MLPH: variants seen among roughly 807,000 people sequenced by gnomAD.
The protein encoded by MLPH is exophilin-3.
In MLPH, 51 loss-of-function variants were observed where a neutral mutation model predicts 72.1. The ratio of observed to expected loss-of-function variants is 0.71; its 90% CI spans 0.56 to 0.89. The LOEUF (loss-of-function observed/expected upper bound fraction) is 0.89. MLPH is among the 40% of genes least tolerant of loss of function. The pLI is 0.00. For missense variants in MLPH, 743 were observed against 759.9 expected (o/e 0.98, Z 0.26); for synonymous variants, 301 against 310.1 (o/e 0.97, Z 0.31).
chr2:237,509,543 A>C (rs1057141660), intron 2 of MLPH, among the ~76,000 whole-genome samples: 9 of 152,192 alleles, frequency 5.9e-5, no homozygotes, highest in African/African-American at 2.2e-4. Flanking sequence ...TGTTTGGGAC[A>C]AAGACTTTAC....
chr2:237,540,370 C>T lies in MLPH; in HGVS notation c.1127C>T (p.Thr376Met), dbSNP rs766417327. 1.4e-5 allele frequency: 22 copies of T among 1,613,652 alleles called. 1 individual carries two copies. In the Middle Eastern group the frequency reaches 8.4e-4, roughly 61 times the overall value. Residue 376 changes from threonine to methionine, a missense_variant, in exon 10 of 16, where the codon ACG becomes ATG. Physicochemically the swap from Thr to Met is moderately conservative, Grantham distance 81. Coordinates refer to ENST00000264605, the MANE Select transcript of MLPH (RefSeq NM_024101.7). Reference sequence around the variant, plus strand: ...CAGGGTCTAGGTGCTGGAGTGCGCACGGAGGCCGATGTAGAGGAGGAGGCC... The same window carrying T: ...CAGGGTCTAGGTGCTGGAGTGCGCATGGAGGCCGATGTAGAGGAGGAGGCC... ...LAKGLGAGVR[T>M]EADVEEEALR...
chr2:237,525,475 G>A lies in MLPH; in HGVS notation c.676-126G>A, dbSNP rs142408062. 1.2e-4 allele frequency: 104 copies of A among 860,918 alleles called. No individual in the cohort carries two copies. In the African/African-American group the frequency reaches 1.3e-3, roughly 11 times the overall value. The allele number at this position is 860,918 out of a possible 1,614,324, so 53.3% of individuals were successfully genotyped here. On this transcript the variant is annotated intron_variant, in intron 6 of 15. Coordinates refer to ENST00000264605, the MANE Select transcript of MLPH (RefSeq NM_024101.7). ...TGAGTGGCAGGGGCCAGCGCAGATG[G>A]GTGCCTAGTGCTGGGTCAGTCAAGT...
intron 13 of MLPH, among the ~76,000 whole-genome samples, chr2:237,548,342 G>A (rs1225008168): frequency 4.1e-4 from 63 of 152,190 alleles, no homozygotes; most frequent in Non-Finnish European, 1.5e-5. Context: ...AATTTCCAGG[G>A]GAATTTGGCC....
At chr2:237,523,042 T>C (rs555540479) in intron 6 of MLPH, among the ~76,000 whole-genome samples, 1 of 152,258 alleles carries the variant, frequency 6.6e-6, no homozygotes, top group African/African-American at 2.4e-5. Flanking sequence ...ATTTGAAAAG[T>C]TGATTAATGT....
rs1157137431 is a variant in MLPH, at chr2:237,527,315, A to T, written c.881-62A>T. The T allele has an allele frequency of 1.9e-6, 3 of 1,603,386 alleles. No individual in the cohort carries two copies. The African/African-American group carries it at 4.0e-5, about 21-fold the overall frequency. On this transcript the variant is annotated intron_variant, in intron 7 of 15. Transcript: ENST00000264605. ...AGCCTCATTTTTCTTCATTGGACTAAACACGTCCATCAGCTTTCAGGTTTT... is the reference window on the plus strand; with the variant it reads ...AGCCTCATTTTTCTTCATTGGACTATACACGTCCATCAGCTTTCAGGTTTT...
intron 14 of MLPH, among the ~76,000 whole-genome samples, chr2:237,551,004 G>T (rs1232442668): frequency 6.6e-6 from 1 of 152,226 alleles, no homozygotes; most frequent in Non-Finnish European, 1.5e-5. Context: ...GAAGCTCACA[G>T]GAATTTTGGG....
chr2:237,540,061 C>A (rs1465622773), intron 9 of MLPH, among the ~76,000 whole-genome samples: 1 of 152,174 alleles, frequency 6.6e-6, no homozygotes, highest in South Asian at 2.1e-4. Flanking sequence ...CAAATGGCAC[C>A]CTTAAACAAA....
intron 9 of MLPH, among the ~76,000 whole-genome samples, chr2:237,536,657 C>A (rs1056104022): frequency 1.3e-5 from 2 of 152,204 alleles, no homozygotes; most frequent in African/African-American, 2.4e-5. Flanking sequence ...CAGGCCCCTG[C>A]GGAACACTGA....
In MLPH at chr2:237,512,628, G is replaced by A. The variant is rs548253336; in HGVS notation, c.445+1527G>A. Among the ~76,000 whole-genome samples, 7 of 152,170 alleles carry A rather than the reference G, an allele frequency of 4.6e-5. No individual in the cohort carries two copies. Among genetic ancestry groups the A allele is most frequent in the Middle Eastern group, 3.4e-3 (1 of 294 alleles). On this transcript the variant is annotated intron_variant, in intron 4 of 15. Transcript: ENST00000264605. This position sits in a 1 kb window ranked among gnomAD's most constrained non-coding sequence, Gnocchi z 5.5. Reference sequence around the variant, plus strand: ...AGCAGCAAATCCCACCTCCCCACACGCACACGGCCAGCCTGGAGCCCACAG... The same window carrying A: ...AGCAGCAAATCCCACCTCCCCACACACACACGGCCAGCCTGGAGCCCACAG...
At chr2:237,489,900 T>A (rs1396096817) in intron 1 of MLPH, among the ~76,000 whole-genome samples, 10 of 152,134 alleles carry the variant, frequency 6.6e-5, no homozygotes. Flanking sequence ...GGGATACCCA[T>A]CTTATAAAAC....
intron 12 of MLPH, chr2:237,545,491 A>G (rs2080897058): frequency 1.6e-6 from 2 of 1,287,864 alleles, no homozygotes; most frequent in Non-Finnish European, 2.0e-6. Context: ...CTCTGCTCTG[A>G]GGATCTGAAA....
chr2:237,551,671 G>C (rs373011733), intron 14 of MLPH, among the ~76,000 whole-genome samples: 12 of 152,292 alleles, frequency 7.9e-5, no homozygotes, highest in African/African-American at 2.6e-4. Flanking sequence ...GGCTGTTGCC[G>C]TGTCTCACAA....
chr2:237,540,112 C>A (rs2080637282), intron 9 of MLPH, among the ~76,000 whole-genome samples: 1 of 152,216 alleles, frequency 6.6e-6, no homozygotes, highest in African/African-American at 2.4e-5. Context: ...TCTTAGATAG[C>A]CAGGGGTGGT....
Position 237,516,385 on chromosome 2 carries a change from G to A in MLPH, c.446-2154G>A, listed in dbSNP as rs184767622. On this transcript the variant is annotated intron_variant, in intron 4 of 15. Coordinates refer to ENST00000264605, the MANE Select transcript of MLPH (RefSeq NM_024101.7). Reference sequence around the variant, plus strand: ...GGTCAGTGTGAGGAAGGAGCCCTGGGGGGCAGAGAAAGGAGAGGGGGCATG... The same window carrying A: ...GGTCAGTGTGAGGAAGGAGCCCTGGAGGGCAGAGAAAGGAGAGGGGGCATG... Among the ~76,000 whole-genome samples, 225 of 152,308 alleles carry A rather than the reference G, an allele frequency of 1.5e-3. No individual in the cohort carries two copies. The Middle Eastern group carries it at 0.017, about 12-fold the overall frequency.
chr2:237,508,716 T>A (rs1488957121), intron 2 of MLPH, among the ~76,000 whole-genome samples: 1 of 152,166 alleles, frequency 6.6e-6, no homozygotes, highest in Admixed American at 6.5e-5. Flanking sequence ...CATTTCCCCC[T>A]CCATTGTGAG....
chr2:237,528,615 T>C (rs1464310745), intron 8 of MLPH, among the ~76,000 whole-genome samples: 1 of 152,188 alleles, frequency 6.6e-6, no homozygotes, highest in Non-Finnish European at 1.5e-5. Flanking sequence ...CCTCCCAAAG[T>C]GCTGACATTA....
At chr2:237,549,767 T>C (rs2080995647) in intron 14 of MLPH, among the ~76,000 whole-genome samples, 1 of 152,048 alleles carries the variant, frequency 6.6e-6, no homozygotes, top group South Asian at 2.1e-4. Flanking sequence ...GGCTGGTAGC[T>C]CCTCCCCCCA....
Position 237,504,925 on chromosome 2 carries a change from C to T in MLPH, c.111-5649C>T, listed in dbSNP as rs180886321. Reference sequence around the variant, plus strand: ...CTTTTATTTCCCATCTGCTCCCCCTCGTGAGACCCCACCCCTTGAGCAGCA... The same window carrying T: ...CTTTTATTTCCCATCTGCTCCCCCTTGTGAGACCCCACCCCTTGAGCAGCA... On this transcript the variant is annotated intron_variant, in intron 2 of 15. Transcript: ENST00000264605. 2.1e-3 allele frequency among the ~76,000 whole-genome samples: 314 copies of T among 152,318 alleles called. 2 individuals are homozygous for T. The highest frequency in any genetic ancestry group is 3.7e-3 in the Non-Finnish European group (252 of 68,032).
intron 12 of MLPH, chr2:237,545,758 G>T (rs1047106592): frequency 2.5e-6 from 2 of 797,230 alleles, no homozygotes; most frequent in African/African-American, 1.8e-5. Context: ...GTCCCAGATA[G>T]GGTCATGACG....
Sources: allele counts gnomAD v4.1 joint callset (sites outside exome capture counted in the v4.1 genomes callset), GRCh38; gene constraint gnomAD v4.1.1; non-coding constraint Gnocchi (gnomAD v3.1); transcripts MANE v1.5; gene names NCBI Gene and HGNC (gene_info 2026-07-23, HGNC 2026-07-21).